The following APC variants were observed in gnomAD, a reference collection of about 807,000 sequenced individuals.
APC encodes the protein APC regulator of Wnt signaling pathway.
In APC, 72 loss-of-function variants were observed where a neutral mutation model predicts 247.0. The ratio of observed to expected loss-of-function variants is 0.29; its 90% confidence interval spans 0.24 to 0.35. APC has a LOEUF of 0.35. APC is among the 10% of genes least tolerant of loss of function. APC has a pLI of 1.00. For missense variants in APC, 3,400 were observed against 3,360.7 expected, an observed-to-expected ratio of 1.01 and a Z score of -0.29; for synonymous variants, 1,254 against 1,162.5, an observed-to-expected ratio of 1.08 and a Z score of -1.60.
intron 9 of APC, 108 bp from the exon 10 acceptor site, chr5:112,818,858 G>GTTTT: frequency 6.5e-5 from 65 of 995,188 alleles, no homozygotes; most frequent in South Asian, 2.1e-4. Flanking sequence ...GGGGGGGGTT[G>GTTTT]TTTTGTTTTT....
intron 7 of APC, among the ~76,000 whole-genome samples, chr5:112,799,794 A>G (rs1224334072): frequency 6.6e-6 from 1 of 152,098 alleles, no homozygotes; most frequent in East Asian, 1.9e-4. Context: ...CATCCACACC[A>G]TGATTCGTTG....
At chr5:112,816,069 A>T (rs575361949) in intron 9 of APC, among the ~76,000 whole-genome samples, 1 of 152,204 alleles carries the variant, frequency 6.6e-6, no homozygotes, top group Non-Finnish European at 1.5e-5. Flanking sequence ...GTTCCAGCCA[A>T]ACTGGCTCAC....
chr5:112,723,305 T>TA (rs942066318), intron 1 of APC, among the ~76,000 whole-genome samples: 3 of 151,736 alleles, frequency 2.0e-5, no homozygotes, highest in African/African-American at 7.3e-5. Flanking sequence ...CTACAAAAAA[T>TA]AAAAAAATTA....
Position 112,840,939 on chromosome 5 carries a change from A to G in APC, c.5345A>G (p.Asn1782Ser), listed in dbSNP as rs1474802233. The change falls in exon 16 of 16, where the codon AAT (asparagine) becomes AGT (serine). Residue 1782 changes from asparagine to serine, a missense_variant. Transcript: ENST00000257430. This position sits in a 1 kb window ranked among gnomAD's most constrained non-coding sequence, Gnocchi z 4.1. ...PTSPVKPIPQ[N>S]TEYRTRVRKN... ...TCACCAGTAAAACCTATACCACAAAATACTGAATATAGGACACGTGTAAGA... is the reference window on the plus strand; with the variant it reads ...TCACCAGTAAAACCTATACCACAAAGTACTGAATATAGGACACGTGTAAGA... The G allele has an allele frequency of 6.2e-7, 1 of 1,613,730 alleles. No individual in the cohort carries two copies. Among genetic ancestry groups the G allele is most frequent in the East Asian group, 2.2e-5 (1 of 44,876 alleles).
chr5:112,834,249 TTTTTTTTTTTTA>T (rs2149838238), intron 14 of APC, among the ~76,000 whole-genome samples: 1 of 117,644 alleles, frequency 8.5e-6, no homozygotes, highest in East Asian at 3.6e-4. Context: ...TTTTTTTTTT[TTTTTTTTTTTTA>T]AAAAGAGTTT....
chr5:112,799,791 A>G (rs1457889428), intron 7 of APC, among the ~76,000 whole-genome samples: 1 of 152,030 alleles, frequency 6.6e-6, no homozygotes, highest in Non-Finnish European at 1.5e-5. Context: ...CTTCATCCAC[A>G]CCATGATTCG....
At chr5:112,797,978 AT>A (rs1273109309) in intron 7 of APC, among the ~76,000 whole-genome samples, 1 of 152,202 alleles carries the variant, frequency 6.6e-6, no homozygotes, top group Admixed American at 6.5e-5. Flanking sequence ...GCTGGTGGGA[AT>A]TTAAATAGTA....
intron 11 of APC, among the ~76,000 whole-genome samples, chr5:112,825,384 A>G (rs1046623581): frequency 6.6e-6 from 1 of 152,192 alleles, no homozygotes; most frequent in Non-Finnish European, 1.5e-5. Context: ...TTTCTGCGTA[A>G]AATCTTTAAT....
rs1338830347 is a variant in APC, at chr5:112,840,899, A to G, written c.5305A>G (p.Lys1769Glu). 1.2e-6 allele frequency: 2 copies of G among 1,613,928 alleles called. No homozygotes were observed. The highest frequency in any genetic ancestry group is 1.7e-6 in the Non-Finnish European group (2 of 1,179,772). ...CAACAAAAATCAGTTAGATGGTAAG[A>G]AAAAGAAACCAACTTCACCAGTAAA... ...APNKNQLDGK[K>E]KKPTSPVKPI... Residue 1769 changes from lysine to glutamate, a missense_variant, in exon 16 of 16, where the codon AAA (lysine) becomes GAA (glutamate). Around this residue, in one of 9 missense-constraint regions of APC, gnomAD observed 1,788 missense variants for 1,649.5 expected, o/e 1.08. Coordinates refer to ENST00000257430, the MANE Select transcript of APC (RefSeq NM_000038.6). The surrounding 1 kb of genome is among the most constrained non-coding windows in gnomAD (Gnocchi z 4.1).
Position 112,819,157 on chromosome 5 carries a change from C to T in APC, c.1125C>T (p.Gly375=), listed in dbSNP as rs2149781450. The T allele has an allele frequency of 1.9e-6, 3 of 1,614,016 alleles. No homozygotes were observed. In the South Asian group the frequency reaches 3.3e-5, roughly 18 times the overall value. ...CTGTATTGTTGGGAAATTCCCGGGG[C>T]AGTAAAGAGGCTCGGGCCAGGGCCA... ...KDSVLLGNSR[G]SKEARARASA... is the part of the protein sequence containing the mutation. Residue 375 remains glycine, a synonymous_variant, in exon 10 of 16, where the codon GGC becomes GGT. Transcript: ENST00000257430.
rs776852155 is a variant in APC, at chr5:112,815,529, G to C, written c.869G>C (p.Ser290Thr). The change falls in exon 9 of 16, where the codon AGT (serine) becomes ACT (threonine). Residue 290 changes from serine (S) to threonine (T), a missense_variant. By Grantham distance (58) the Ser-to-Thr change is moderately conservative (BLOSUM62 1). This residue lies in a region of APC where 372 missense variants were observed against 367.6 expected (regional missense o/e 1.01). Transcript: ENST00000257430. ...ACACGAATGGACCATGAAACAGCCAGTGTTTTGAGTTCTAGTAGCACACAC... is the reference window on the plus strand; with the variant it reads ...ACACGAATGGACCATGAAACAGCCACTGTTTTGAGTTCTAGTAGCACACAC... The part of the protein sequence containing the change: ...STTRMDHETA[S>T]VLSSSSTHSA... 1.9e-6 allele frequency: 3 copies of C among 1,612,434 alleles called. No individual in the cohort carries two copies. The highest frequency in any genetic ancestry group is 1.1e-5 in the South Asian group (1 of 91,062).
At chr5:112,817,776 A>G (rs1762656938) in intron 9 of APC, among the ~76,000 whole-genome samples, 1 of 152,134 alleles carries the variant, frequency 6.6e-6, no homozygotes, top group Non-Finnish European at 1.5e-5. Context: ...AGGTAGGTAA[A>G]TTTCTCCATT....
rs1554086446 is a variant in APC, at chr5:112,840,695, CAAG to C, written c.5102_5104del (p.Gln1701_Gly1702delinsArg). The C allele has an allele frequency of 1.9e-6, 3 of 1,613,846 alleles. No individual in the cohort carries two copies. Among genetic ancestry groups the C allele is most frequent in the African/African-American group, 1.3e-5 (1 of 74,884 alleles). On this transcript the variant is annotated inframe_deletion, in exon 16 of 16. Transcript: ENST00000257430. This position sits in a 1 kb window ranked among gnomAD's most constrained non-coding sequence, Gnocchi z 4.1. ...AGAAGGCAGAAGTACAGATGAGGCT[CAAG>C]GAGGAAAAACCTCATCTGTAACCAT...
At chr5:112,712,822 A>G (rs1000654991) in intron 1 of APC, among the ~76,000 whole-genome samples, 28 of 152,172 alleles carry the variant, frequency 1.8e-4, no homozygotes, top group Non-Finnish European at 3.7e-4. Flanking sequence ...GATCTTGAAT[A>G]TATCTTGTTT....
intron 1 of APC, among the ~76,000 whole-genome samples, chr5:112,721,391 G>A (rs761221466): frequency 6.6e-6 from 1 of 152,076 alleles, no homozygotes; most frequent in Non-Finnish European, 1.5e-5. Context: ...TCTAGCCTTG[G>A]CAACAGTGAG....
rs1580633428 is a variant in APC, at chr5:112,838,879, G to A, written c.3285G>A (p.Gln1095=). The A allele has an allele frequency of 1.9e-6, 3 of 1,614,138 alleles. No individual in the cohort carries two copies. The highest frequency in any genetic ancestry group is 1.7e-6 in the Non-Finnish European group (2 of 1,180,034). ...TCAAGTTCCAACCACATTTTGGACA[G>A]CAGGAATGTGTTTCTCCATACAGGT... The part of the protein sequence containing the change: ...KHLKFQPHFG[Q]QECVSPYRSR... The change falls in exon 16 of 16, where the codon CAG becomes CAA. Residue 1095 remains glutamine, a synonymous_variant. Transcript: ENST00000257430.
chr5:112,823,648 C>CTTAT (rs1763358587), intron 11 of APC, among the ~76,000 whole-genome samples: 1 of 152,174 alleles, frequency 6.6e-6, no homozygotes, highest in African/African-American at 2.4e-5. Context: ...TAAGTTTGCA[C>CTTAT]TTATTAGTAT....
intron 1 of APC, among the ~76,000 whole-genome samples, chr5:112,730,103 G>A (rs920225819): frequency 1.3e-5 from 2 of 152,152 alleles, no homozygotes; most frequent in African/African-American, 4.8e-5. Context: ...AGAGAGATCT[G>A]TATTTTCTCA....
intron 1 of APC, among the ~76,000 whole-genome samples, chr5:112,728,634 G>A (rs1751931408): frequency 9.2e-6 from 1 of 108,810 alleles, no homozygotes; most frequent in African/African-American, 3.1e-5. Context: ...TGCCAGAGGT[G>A]ATTGTGTTTT....
Sources: allele counts gnomAD v4.1 joint callset (sites outside exome capture counted in the v4.1 genomes callset), GRCh38; gene constraint gnomAD v4.1.1; regional missense constraint gnomAD v4.1.1; non-coding constraint Gnocchi (gnomAD v3.1); transcripts MANE v1.5; gene names NCBI Gene and HGNC (gene_info 2026-07-23, HGNC 2026-07-21).